Variants in PLD5 observed in about 807,000 individuals in gnomAD.
PLD5 encodes phospholipase D family member 5.
PLD5 carries 36 observed loss-of-function variants against 61.1 expected under a neutral mutation model. The ratio of observed to expected loss-of-function variants is 0.59; its 90% CI spans 0.45 to 0.78. The LOEUF is 0.78. Among genes scored for constraint, PLD5 ranks in the 30% least tolerant of loss-of-function variants. The pLI is 0.00. For missense variants in PLD5, 515 were observed against 644.4 expected, an observed-to-expected ratio of 0.80 and a Z score of 2.17; for synonymous variants, 243 against 242.8, an observed-to-expected ratio of 1.00 and a Z score of -0.01.
At chr1:242,322,343 CTACCTTTTTCA>C in intron 2 of PLD5, among the ~76,000 whole-genome samples, 1 of 152,316 alleles carries the variant, frequency 6.6e-6, no homozygotes, top group Middle Eastern at 3.4e-3. Context: ...CCCCAGATAT[CTACCTTTTTCA>C]AGTCTTTGTC....
Position 242,395,152 on chromosome 1 carries a change from A to G in PLD5, c.190-46910T>C, listed in dbSNP as rs993908944. Among the ~76,000 whole-genome samples the G allele has an allele frequency of 2.7e-5, 4 of 149,068 alleles. No individual in the cohort carries two copies. In the South Asian group the frequency reaches 8.4e-4, roughly 31 times the overall value. On this transcript the variant is annotated intron_variant, in intron 1 of 9. Transcript: ENST00000536534. ...ATATGTATATATTTTAAATAGAGCT[A>G]TTCCTAAAATTTTTAAAAATGTACT...
intron 7 of PLD5, among the ~76,000 whole-genome samples, chr1:242,110,910 C>T (rs1661435052): frequency 6.6e-6 from 1 of 152,162 alleles, no homozygotes; most frequent in Admixed American, 6.5e-5. Flanking sequence ...TTCCTTTACA[C>T]ATTTACTAAT....
rs1423883977 is a variant in PLD5 at position 242,207,852 on chromosome 1, T to TTTTA, written c.735+12135_735+12136insTAAA. The stretch of plus-strand genomic sequence containing the variant: ...TATATATTTATATATTTATATATAT[T>TTTTA]TATATATTTATATATTTATATATAT... On this transcript the variant is annotated intron_variant, in intron 5 of 9. Transcript: ENST00000536534. Among the ~76,000 whole-genome samples the TTTTA allele has an allele frequency of 5.0e-3, 137 of 27,488 alleles. 5 individuals carry two copies. Among genetic ancestry groups the TTTTA allele is most frequent in the Non-Finnish European group, 6.4e-3 (107 of 16,850 alleles). The allele number at this position is 27,488 out of a possible 152,430, so 18.0% of individuals were successfully genotyped here. A position where few individuals can be genotyped will look rare whatever the true frequency, so the allele number is the denominator to read the frequency against.
chr1:242,253,745 C>A (rs542712228), intron 4 of PLD5, among the ~76,000 whole-genome samples: 1 of 152,248 alleles, frequency 6.6e-6, no homozygotes, highest in South Asian at 2.1e-4. Context: ...ATATAATTTC[C>A]TTGAAAATGT....
intron 1 of PLD5, among the ~76,000 whole-genome samples, chr1:242,401,298 C>T (rs1663917772): frequency 2.0e-5 from 3 of 152,114 alleles, no homozygotes; most frequent in Admixed American, 1.3e-4. Context: ...GCCAAGCCCA[C>T]CCCTCATTCT....
At chr1:242,380,919 T>C (rs928533591) in intron 1 of PLD5, among the ~76,000 whole-genome samples, 1 of 152,144 alleles carries the variant, frequency 6.6e-6, no homozygotes, top group African/African-American at 2.4e-5. Context: ...TGAGGTTGCA[T>C]GGAAAAAGGA....
chr1:242,348,546 G>A (rs1293378305), intron 1 of PLD5, among the ~76,000 whole-genome samples: 1 of 152,054 alleles, frequency 6.6e-6, no homozygotes, highest in Non-Finnish European at 1.5e-5. Context: ...AAGATCACTA[G>A]ATATCTATTG....
chr1:242,232,774 C>T (rs1671389856), intron 4 of PLD5, among the ~76,000 whole-genome samples: 1 of 152,060 alleles, frequency 6.6e-6, no homozygotes, highest in African/African-American at 2.4e-5. Context: ...ACCCAAGAGG[C>T]GGAGGCTGCA....
chr1:242,108,450 G>C (rs529398734), intron 7 of PLD5, among the ~76,000 whole-genome samples: 2 of 152,160 alleles, frequency 1.3e-5, no homozygotes, highest in South Asian at 4.2e-4. Flanking sequence ...TTAAGCCTTT[G>C]CCTTAACTTG....
At chr1:242,464,664 AC>A (rs1341861124) in intron 1 of PLD5, among the ~76,000 whole-genome samples, 3 of 152,204 alleles carry the variant, frequency 2.0e-5, no homozygotes, top group Non-Finnish European at 4.4e-5. Flanking sequence ...CTAGGTATAT[AC>A]CCCAAAGAAC....
At chr1:242,254,083 G>A (rs1171345759) in intron 4 of PLD5, among the ~76,000 whole-genome samples, 1 of 152,164 alleles carries the variant, frequency 6.6e-6, no homozygotes, top group African/African-American at 2.4e-5. Context: ...TGTAATGTAT[G>A]ATTAAAACCG....
intron 2 of PLD5, among the ~76,000 whole-genome samples, chr1:242,298,306 T>G (rs535553735): frequency 2.2e-4 from 33 of 152,260 alleles, no homozygotes; most frequent in South Asian, 6.2e-4. Flanking sequence ...AGTATGGCAG[T>G]GGAGGAAGTA....
chr1:242,085,576 A>G lies in PLD5; in HGVS notation c.*4278T>C, dbSNP rs1659408700. 6.6e-6 allele frequency: 1 copy of G among 152,196 alleles called. No homozygotes were observed. Among genetic ancestry groups the G allele is most frequent in the Non-Finnish European group, 1.5e-5 (1 of 68,036 alleles). 9.4% of individuals were successfully genotyped at this position (152,196 alleles called of 1,614,324 possible). A position where few individuals can be genotyped will look rare whatever the true frequency, so the allele number is the denominator to read the frequency against. ...AATGAAAGATGCTAATCCAAATCAA[A>G]TTGGAAAATTTTTTACCTTGGGCCA... On this transcript the variant is annotated 3_prime_UTR_variant, in exon 10 of 10. Transcript: ENST00000536534.
chr1:242,497,706 T>C (rs915921415), intron 1 of PLD5, among the ~76,000 whole-genome samples: 24 of 152,232 alleles, frequency 1.6e-4, no homozygotes, highest in African/African-American at 5.8e-4. Context: ...GTGTTATACC[T>C]GGAACATAAA....
At chr1:242,496,357 T>C (rs1367026170) in intron 1 of PLD5, among the ~76,000 whole-genome samples, 1 of 152,234 alleles carries the variant, frequency 6.6e-6, no homozygotes, top group Non-Finnish European at 1.5e-5. Context: ...CAGTTTCAAC[T>C]TCAGTAGGCA....
chr1:242,430,426 C>T (rs1665654968), intron 1 of PLD5, among the ~76,000 whole-genome samples: 1 of 152,124 alleles, frequency 6.6e-6, no homozygotes, highest in Non-Finnish European at 1.5e-5. Flanking sequence ...TTGGGGGCCC[C>T]ACCCTCATGA....
chr1:242,339,010 T>G (rs1290548389), intron 2 of PLD5, among the ~76,000 whole-genome samples: 1 of 152,186 alleles, frequency 6.6e-6, no homozygotes, highest in Non-Finnish European at 1.5e-5. Flanking sequence ...CCTTGCAAGT[T>G]TCTTTTTCTA....
chr1:242,396,834 C>T (rs1054400330), intron 1 of PLD5, among the ~76,000 whole-genome samples: 3 of 152,008 alleles, frequency 2.0e-5, no homozygotes, highest in Non-Finnish European at 4.4e-5. Context: ...TGTGTGCCAC[C>T]AAGCCCAGCT....
chr1:242,394,453 A>AGTATATATGTGAACATATATATGT (rs1264677550), intron 1 of PLD5, among the ~76,000 whole-genome samples: 1 of 57,224 alleles, frequency 1.7e-5, no homozygotes, highest in African/African-American at 8.8e-5. Flanking sequence ...TGTGTATATG[A>AGTATATATGTGAACATATATATGT]GTATATATGT....
Sources: allele counts gnomAD v4.1 joint callset (sites outside exome capture counted in the v4.1 genomes callset), GRCh38; gene constraint gnomAD v4.1.1; transcripts MANE v1.5; gene names NCBI Gene and HGNC (gene_info 2026-07-23, HGNC 2026-07-21).